The following PEAK1 variants were observed in gnomAD, a reference collection of about 807,000 sequenced individuals.
PEAK1 encodes the protein pseudopodium enriched atypical kinase 1.
In PEAK1, 54 loss-of-function variants were observed where a neutral mutation model predicts 124.7. That is an observed-to-expected ratio of 0.43 (90% confidence interval 0.35 to 0.54). The LOEUF is 0.54. Ranked by LOEUF, PEAK1 falls within the 20% of genes least tolerant of loss-of-function variation. The probability of loss-of-function intolerance (pLI) is 0.01; values close to 1 mark genes in which losing one functional copy is unlikely to be tolerated. For missense variants in PEAK1, 2,046 were observed against 2,134.5 expected, an observed-to-expected ratio of 0.96 and a Z score of 0.82; for synonymous variants, 719 against 760.0, an observed-to-expected ratio of 0.95 and a Z score of 0.89.
At chr15:77,348,017 A>G (rs765392510) in intron 2 of PEAK1, 4 of 985,374 alleles carry the variant, frequency 4.1e-6, no homozygotes, top group Non-Finnish European at 4.8e-6. Flanking sequence ...TAATGTTAAA[A>G]TTCCCAAACT....
At chr15:77,373,876 C>G (rs749869192) in intron 1 of PEAK1, among the ~76,000 whole-genome samples, 1 of 152,108 alleles carries the variant, frequency 6.6e-6, no homozygotes, top group African/African-American at 2.4e-5. Context: ...CAAAACTATG[C>G]AGACAATGAT....
intron 1 of PEAK1, chr15:77,404,196 T>C (rs2071610374): frequency 5.1e-6 from 5 of 985,440 alleles, no homozygotes; most frequent in Non-Finnish European, 6.0e-6. Flanking sequence ...TTTAACATCT[T>C]GTGAGACACC....
intron 7 of PEAK1, among the ~76,000 whole-genome samples, chr15:77,175,150 T>C (rs2056772330): frequency 6.6e-6 from 1 of 152,126 alleles, no homozygotes; most frequent in African/African-American, 2.4e-5. Flanking sequence ...ATAAAAACCC[T>C]AGAAGAAAAC....
rs1037476930 is a variant in PEAK1 at position 77,352,494 on chromosome 15, C to G, written c.-603+12669G>C. On this transcript the variant is annotated intron_variant, in intron 2 of 9. Coordinates refer to ENST00000682557, the MANE Select transcript of PEAK1 (RefSeq NM_001385026.1). The stretch of plus-strand genomic sequence containing the variant: ...GAGGAAATGGGGGCTATGGAGAGAG[C>G]CTGGACATTTTGCCAAAATTTAAAA... The G allele has an allele frequency of 4.1e-6, 4 of 984,962 alleles. No individual in the cohort carries two copies. The African/African-American group carries it at 5.3e-5, about 13-fold the overall frequency. The allele number at this position is 984,962 out of a possible 1,614,324, so 61.0% of individuals were successfully genotyped here.
At chr15:77,344,373 C>T (rs974926809) in intron 2 of PEAK1, among the ~76,000 whole-genome samples, 1 of 152,090 alleles carries the variant, frequency 6.6e-6, no homozygotes, top group Non-Finnish European at 1.5e-5. Flanking sequence ...GGATTACAGG[C>T]GTGAGCCACC....
intron 1 of PEAK1, among the ~76,000 whole-genome samples, chr15:77,379,751 T>C (rs1454930632): frequency 6.6e-6 from 1 of 152,264 alleles, no homozygotes; most frequent in African/African-American, 2.4e-5. Flanking sequence ...CCAGAAACTC[T>C]TGTAACAGGA....
rs1227965549 is a variant in PEAK1 at position 77,181,569 on chromosome 15, T to C, written c.358A>G (p.Asn120Asp). ...ALSQKPLNNNNEDDEGISHVP... is the reference protein window; with the variant it reads ...ALSQKPLNNNDEDDEGISHVP... ...TGGCTAATTCCTTCATCATCTTCAT[T>C]ATTATTGTTAAGTGGTTTCTGACTC... The change falls in exon 7 of 10, where the codon AAT becomes GAT. Residue 120 changes from asparagine to aspartate, a missense_variant. Coordinates refer to ENST00000682557, the MANE Select transcript of PEAK1 (RefSeq NM_001385026.1). 1 of 1,614,106 alleles carries C rather than the reference T, an allele frequency of 6.2e-7. No homozygotes were observed. Among genetic ancestry groups the C allele is most frequent in the Non-Finnish European group, 8.5e-7 (1 of 1,180,010 alleles).
intron 6 of PEAK1, among the ~76,000 whole-genome samples, chr15:77,192,828 C>CA (rs1425742107): frequency 6.6e-6 from 1 of 150,566 alleles, no homozygotes; most frequent in East Asian, 1.9e-4. Context: ...CGGTCCTTAC[C>CA]TTTTTTTTTA....
rs557938702 is a variant in PEAK1 at position 77,221,438 on chromosome 15, T to C, written c.-115+30929A>G. Reference sequence around the variant, plus strand: ...GAGCAGCCAGATGGTTGGTAATACGTGTAGATATTTTGAAACATAGGCTGG... The same window carrying C: ...GAGCAGCCAGATGGTTGGTAATACGCGTAGATATTTTGAAACATAGGCTGG... On this transcript the variant is annotated intron_variant, in intron 6 of 9. Transcript: ENST00000682557. Among the ~76,000 whole-genome samples, 8 of 152,202 alleles carry C rather than the reference T, an allele frequency of 5.3e-5. No homozygotes were observed. In the South Asian group the frequency reaches 1.7e-3, roughly 32 times the overall value.
At chr15:77,306,905 T>C (rs868744273) in intron 2 of PEAK1, among the ~76,000 whole-genome samples, 21 of 152,162 alleles carry the variant, frequency 1.4e-4, no homozygotes, top group African/African-American at 4.6e-4. Context: ...ATTAGAAACA[T>C]AAACATGTAC....
chr15:77,410,391 C>A (rs1214764573), intron 1 of PEAK1, among the ~76,000 whole-genome samples: 2 of 152,166 alleles, frequency 1.3e-5, no homozygotes, highest in African/African-American at 4.8e-5. Flanking sequence ...TCCCAAAATG[C>A]TGGGATTACA....
intron 7 of PEAK1, among the ~76,000 whole-genome samples, chr15:77,162,172 A>AATTTATC (rs2055706594): frequency 6.6e-6 from 1 of 152,078 alleles, no homozygotes. Context: ...ATCTCTGATT[A>AATTTATC]ATTTATCATT....
intron 6 of PEAK1, among the ~76,000 whole-genome samples, chr15:77,190,063 T>C (rs2057756533): frequency 6.6e-6 from 1 of 152,234 alleles, no homozygotes; most frequent in Admixed American, 6.5e-5. Flanking sequence ...CAATGTCATT[T>C]TCTACCACTC....
chr15:77,342,922 G>A (rs114569939), intron 2 of PEAK1, among the ~76,000 whole-genome samples: 5,004 of 152,176 alleles, frequency 0.033, 274 homozygotes, highest in African/African-American at 0.11. Context: ...CTATGAACAC[G>A]GGTGTGTACA....
At chr15:77,418,737 G>C in intron 1 of PEAK1, 1 of 985,324 alleles carries the variant, frequency 1.0e-6, no homozygotes, top group South Asian at 4.7e-5. Flanking sequence ...GTTTTACCCC[G>C]GTGGATAATT....
At chr15:77,205,079 GA>G in intron 6 of PEAK1, 1 of 220,432 alleles carries the variant, frequency 4.5e-6, no homozygotes, top group Non-Finnish European at 9.2e-6. Context: ...AAGCCAGAGA[GA>G]AAGAAGCCAA....
chr15:77,370,283 T>C lies in PEAK1; in HGVS notation c.-665-5058A>G, dbSNP rs138851298. On this transcript the variant is annotated intron_variant, in intron 1 of 9. Transcript: ENST00000682557. The stretch of plus-strand genomic sequence containing the variant: ...GCCCAATTTGACATCCATGATACCT[T>C]TGGAAAGCTTATAATCCAATAGGAA... Among the ~76,000 whole-genome samples the C allele has an allele frequency of 8.5e-5, 13 of 152,256 alleles. No individual in the cohort carries two copies. In the East Asian group the frequency reaches 1.7e-3, roughly 20 times the overall value.
chr15:77,192,871 A>G (rs923147934), intron 6 of PEAK1, among the ~76,000 whole-genome samples: 1 of 152,162 alleles, frequency 6.6e-6, no homozygotes, highest in Non-Finnish European at 1.5e-5. Context: ...TTATACAAGT[A>G]ATCAGAAAAT....
chr15:77,175,228 C>G (rs1315940431), intron 7 of PEAK1, among the ~76,000 whole-genome samples: 1 of 151,932 alleles, frequency 6.6e-6, no homozygotes, highest in Non-Finnish European at 1.5e-5. Context: ...AAAGCAATGG[C>G]AAGAAAAGCC....
Sources: allele counts gnomAD v4.1 joint callset (sites outside exome capture counted in the v4.1 genomes callset), GRCh38; gene constraint gnomAD v4.1.1; transcripts MANE v1.5; gene names NCBI Gene and HGNC (gene_info 2026-07-23, HGNC 2026-07-21).